CACNA2D3: variants seen among roughly 807,000 people sequenced by gnomAD.
CACNA2D3 encodes calcium voltage-gated channel auxiliary subunit alpha2delta 3, also known as voltage-dependent calcium channel subunit alpha-2/delta-3.
CACNA2D3 carries 60 observed loss-of-function variants against 160.6 expected under a neutral mutation model. That is an observed-to-expected ratio of 0.37 (90% CI 0.30 to 0.46). CACNA2D3 has a LOEUF of 0.46. CACNA2D3 is among the 20% of genes least tolerant of loss of function. The pLI is 1.00. For missense variants in CACNA2D3, 1,205 were observed against 1,365.0 expected (o/e 0.88, Z 1.85); for synonymous variants, 558 against 492.9 (o/e 1.13, Z -1.75).
chr3:54,546,240 G>C (rs1004971437), intron 5 of CACNA2D3, among the ~76,000 whole-genome samples: 1 of 152,160 alleles, frequency 6.6e-6, no homozygotes, highest in Non-Finnish European at 1.5e-5. Flanking sequence ...CAGGTCACTG[G>C]TGAAGCCACG....
intron 31 of CACNA2D3, among the ~76,000 whole-genome samples, chr3:54,990,573 A>G (rs192595595): frequency 4.9e-4 from 74 of 152,242 alleles, no homozygotes; most frequent in Admixed American, 2.2e-3. Flanking sequence ...TTTCATGCAC[A>G]AGAACTCCAC....
At chr3:54,593,235 C>T (rs976056136) in intron 9 of CACNA2D3, among the ~76,000 whole-genome samples, 27 of 152,052 alleles carry the variant, frequency 1.8e-4, no homozygotes, top group African/African-American at 5.6e-4. Flanking sequence ...TATAATTTAA[C>T]GTAATTTGGC....
intron 27 of CACNA2D3, among the ~76,000 whole-genome samples, chr3:54,938,052 C>T (rs759886458): frequency 2.0e-5 from 3 of 152,154 alleles, no homozygotes; most frequent in Non-Finnish European, 2.9e-5. Flanking sequence ...TTATGAAATC[C>T]CCGTACACGT....
chr3:54,838,008 C>T (rs1156797273), intron 15 of CACNA2D3, among the ~76,000 whole-genome samples: 1 of 152,156 alleles, frequency 6.6e-6, no homozygotes, highest in Non-Finnish European at 1.5e-5. Context: ...CTTTCTGACA[C>T]TGAAAAGTTT....
chr3:54,303,350 G>C (rs888960175), intron 2 of CACNA2D3, among the ~76,000 whole-genome samples: 1 of 152,124 alleles, frequency 6.6e-6, no homozygotes, highest in South Asian at 2.1e-4. Flanking sequence ...TGTTGAAAGC[G>C]AAAATTTTCT....
chr3:54,241,139 C>T (rs201675173), intron 2 of CACNA2D3, among the ~76,000 whole-genome samples: 143 of 152,284 alleles, frequency 9.4e-4, no homozygotes, highest in African/African-American at 3.3e-3. Flanking sequence ...AAGAGCCGGC[C>T]CTCTTGGGGT....
At chr3:54,498,236 C>T (rs952389870) in intron 4 of CACNA2D3, among the ~76,000 whole-genome samples, 4 of 151,690 alleles carry the variant, frequency 2.6e-5, no homozygotes, top group African/African-American at 9.7e-5. Flanking sequence ...TTTATCATGG[C>T]TATTAACAGT....
chr3:54,333,901 C>T (rs912684237), intron 3 of CACNA2D3, among the ~76,000 whole-genome samples: 14 of 152,192 alleles, frequency 9.2e-5, no homozygotes, highest in African/African-American at 3.1e-4. Flanking sequence ...CTCTCTGAGG[C>T]AGTTATAAGG....
intron 2 of CACNA2D3, among the ~76,000 whole-genome samples, chr3:54,126,495 A>G (rs1228838334): frequency 6.6e-6 from 1 of 152,192 alleles, no homozygotes; most frequent in Non-Finnish European, 1.5e-5. Flanking sequence ...GCCTATTATA[A>G]TATATTAGGT....
At chr3:54,586,120 T>C (rs563085356) in intron 9 of CACNA2D3, among the ~76,000 whole-genome samples, 35 of 151,990 alleles carry the variant, frequency 2.3e-4, no homozygotes, top group African/African-American at 8.2e-4. Flanking sequence ...AAAAATTAGC[T>C]GGGCGTGGTG....
intron 2 of CACNA2D3, among the ~76,000 whole-genome samples, chr3:54,254,778 T>A (rs1037165305): frequency 6.6e-6 from 1 of 152,184 alleles, no homozygotes; most frequent in African/African-American, 2.4e-5. Context: ...AAGGAAGATA[T>A]GGGAAAATGC....
At chr3:54,585,712 A>G (rs1186462455) in intron 9 of CACNA2D3, among the ~76,000 whole-genome samples, 1 of 152,124 alleles carries the variant, frequency 6.6e-6, no homozygotes. Context: ...ATCTCATGAA[A>G]TTTGCTCAGT....
intron 5 of CACNA2D3, among the ~76,000 whole-genome samples, chr3:54,526,237 C>CT (rs564273585): frequency 1.3e-3 from 193 of 152,130 alleles, no homozygotes; most frequent in Non-Finnish European, 1.7e-3. Flanking sequence ...ATCTTTACCT[C>CT]TTTAATTATG....
intron 2 of CACNA2D3, among the ~76,000 whole-genome samples, chr3:54,230,795 CT>C (rs1559889710): frequency 6.6e-6 from 1 of 152,260 alleles, no homozygotes; most frequent in East Asian, 1.9e-4. Context: ...AGATAAATCT[CT>C]TTACAAATGG....
intron 2 of CACNA2D3, among the ~76,000 whole-genome samples, chr3:54,297,045 T>C (rs6445643): frequency 0.23 from 35,346 of 152,056 alleles, 4,346 homozygotes; most frequent in South Asian, 0.34. Context: ...GGGTCACCTT[T>C]CCCTTCACTT....
chr3:55,069,317 TAA>T (rs1194532528), intron 35 of CACNA2D3, among the ~76,000 whole-genome samples: 1 of 152,228 alleles, frequency 6.6e-6, no homozygotes, highest in East Asian at 1.9e-4. Flanking sequence ...TGCTTTGAAT[TAA>T]AAAGTTAATT....
At chr3:54,388,460 C>T (rs192562551) in intron 4 of CACNA2D3, among the ~76,000 whole-genome samples, 3 of 152,222 alleles carry the variant, frequency 2.0e-5, no homozygotes, top group Admixed American at 1.3e-4. Flanking sequence ...CATCAGCAGT[C>T]TTTTTAGGCA....
At chr3:54,362,159 C>G (rs1299971201) in intron 3 of CACNA2D3, among the ~76,000 whole-genome samples, 2 of 152,190 alleles carry the variant, frequency 1.3e-5, no homozygotes, top group Non-Finnish European at 2.9e-5. Context: ...GTCAGAGGTC[C>G]AGGCACAGCA....
intron 11 of CACNA2D3, among the ~76,000 whole-genome samples, chr3:54,736,018 C>CATACATATATATGTATATATATAT (rs1245051455): frequency 1.2e-5 from 1 of 80,938 alleles, no homozygotes; most frequent in Non-Finnish European, 2.4e-5. Context: ...TATATATATA[C>CATACATATATATGTATATATATAT]ACATACATAT....
Sources: allele counts gnomAD v4.1 joint callset (sites outside exome capture counted in the v4.1 genomes callset), GRCh38; gene constraint gnomAD v4.1.1; transcripts MANE v1.5; gene names NCBI Gene and HGNC (gene_info 2026-07-23, HGNC 2026-07-21).